NCOA3: variants seen among roughly 807,000 people sequenced by gnomAD.
NCOA3 encodes the protein nuclear receptor coactivator 3.
Under a neutral mutation model 158.8 loss-of-function variants are expected in NCOA3, and 51 were observed. That is an observed-to-expected ratio of 0.32 (90% CI 0.26 to 0.41). NCOA3 has a LOEUF of 0.41. NCOA3 is among the 10% of genes least tolerant of loss of function. The probability of loss-of-function intolerance (pLI) is 1.00; values close to 1 mark genes in which losing one functional copy is unlikely to be tolerated. For missense variants in NCOA3, 1,510 were observed against 1,746.6 expected, an observed-to-expected ratio of 0.86 and a Z score of 2.41; for synonymous variants, 537 against 592.4, an observed-to-expected ratio of 0.91 and a Z score of 1.36.
chr20:47,646,960 TTTAC>T, intron 17 of NCOA3, 109 bp from the exon 18 acceptor site: 2 of 895,420 alleles, frequency 2.2e-6, no homozygotes, highest in Non-Finnish European at 3.5e-6. Flanking sequence ...ATAACAAGCA[TTTAC>T]TTAAATACTT....
chr20:47,549,167 A>G (rs925318121), intron 1 of NCOA3, among the ~76,000 whole-genome samples: 1 of 152,030 alleles, frequency 6.6e-6, no homozygotes, highest in South Asian at 2.1e-4. Context: ...CTGAGCCATC[A>G]TGGACTTAAC....
At chr20:47,619,645 TAAAAAAA>T (rs76787208) in intron 2 of NCOA3, among the ~76,000 whole-genome samples, 1 of 121,496 alleles carries the variant, frequency 8.2e-6, no homozygotes, top group Non-Finnish European at 1.8e-5. Flanking sequence ...ACCCTGTCTT[TAAAAAAA>T]AAAAAAAAAA....
In NCOA3 at chr20:47,633,622, G is replaced by A. The variant is rs200506500; in HGVS notation, c.950G>A (p.Arg317His). 159 of 1,612,286 alleles carry A rather than the reference G, an allele frequency of 9.9e-5. No individual in the cohort carries two copies. The highest frequency in any genetic ancestry group is 1.3e-4 in the Non-Finnish European group (151 of 1,179,582). Residue 317 changes from arginine (R) to histidine (H), a missense_variant, in exon 9 of 23, where the codon CGT (arginine) becomes CAT (histidine). Physicochemically the swap from Arg to His is conservative, Grantham distance 29. Coordinates refer to ENST00000371998, the MANE Select transcript of NCOA3 (RefSeq NM_181659.3). ...GATGGGCAGTCATGGTCCCAGAAAC[G>A]TCACTATCAAGAAGGTAAAGAATTT... ...LNDGQSWSQKRHYQEAYLNGH... is the reference protein window; with the variant it reads ...LNDGQSWSQKHHYQEAYLNGH...
At chr20:47,516,301 A>G (rs1187207396) in intron 1 of NCOA3, among the ~76,000 whole-genome samples, 2 of 152,154 alleles carry the variant, frequency 1.3e-5, no homozygotes, top group African/African-American at 4.8e-5. Context: ...AAATCTCTGT[A>G]TCTTCTGTTC....
chr20:47,514,213 T>A (rs1379292400), intron 1 of NCOA3, among the ~76,000 whole-genome samples: 1 of 152,042 alleles, frequency 6.6e-6, no homozygotes, highest in Non-Finnish European at 1.5e-5. Flanking sequence ...TTTTTGAATT[T>A]TTTTTTTAAT....
Position 47,650,977 on chromosome 20 carries a change from A to G in NCOA3, c.3652-5A>G, listed in dbSNP as rs2086777376. On this transcript the variant is annotated splice_region_variant and splice_polypyrimidine_tract_variant and intron_variant, in intron 19 of 22. Coordinates refer to ENST00000371998, the MANE Select transcript of NCOA3 (RefSeq NM_181659.3). ...TATGTAATTGCACTCTTTCTTGGGT[A>G]TTAGCAGGGTTTTCTTAATGCTCAA... is the stretch of plus-strand genomic sequence containing the variant. 1 of 1,613,192 alleles carries G rather than the reference A, an allele frequency of 6.2e-7. No homozygotes were observed. Among genetic ancestry groups the G allele is most frequent in the Non-Finnish European group, 8.5e-7 (1 of 1,179,222 alleles).
At chr20:47,650,110 AT>A (rs1250640321) in intron 19 of NCOA3, among the ~76,000 whole-genome samples, 1 of 151,796 alleles carries the variant, frequency 6.6e-6, no homozygotes, top group African/African-American at 2.4e-5. Flanking sequence ...TTGTCCTCAG[AT>A]TCCACCCCTA....
At chr20:47,539,779 C>T (rs1379036484) in intron 1 of NCOA3, among the ~76,000 whole-genome samples, 1 of 152,194 alleles carries the variant, frequency 6.6e-6, no homozygotes, top group African/African-American at 2.4e-5. Flanking sequence ...CCTGCCTTGG[C>T]CCCCCAAAGT....
chr20:47,646,983 A>G, intron 17 of NCOA3, 90 bp from the exon 18 acceptor site: 1 of 1,139,688 alleles, frequency 8.8e-7, no homozygotes, highest in Non-Finnish European at 1.3e-6. Context: ...TTGTTGAATG[A>G]CTGGATGTTT....
chr20:47,562,308 T>A (rs988824516), intron 1 of NCOA3, among the ~76,000 whole-genome samples: 5 of 152,192 alleles, frequency 3.3e-5, no homozygotes, highest in Admixed American at 1.3e-4. Flanking sequence ...TTTAGTTTTT[T>A]AAGAAATTGC....
chr20:47,571,294 C>A (rs1005189902), intron 1 of NCOA3, among the ~76,000 whole-genome samples: 1 of 151,154 alleles, frequency 6.6e-6, no homozygotes, highest in Non-Finnish European at 1.5e-5. Context: ...TATGAGCCAC[C>A]GTGCCCGGCT....
At chr20:47,591,060 A>C (rs1255688949) in intron 2 of NCOA3, among the ~76,000 whole-genome samples, 2 of 151,878 alleles carry the variant, frequency 1.3e-5, no homozygotes, top group Admixed American at 1.3e-4. Context: ...CAGTGAGCCG[A>C]GATCGCACCA....
intron 1 of NCOA3, among the ~76,000 whole-genome samples, chr20:47,526,533 C>G (rs544384900): frequency 3.9e-5 from 6 of 152,216 alleles, no homozygotes; most frequent in African/African-American, 1.2e-4. Context: ...CCGAGGCTGG[C>G]GGATCACTTG....
rs1248859376 is a variant in NCOA3 at position 47,635,326 on chromosome 20, C to T, written c.1117C>T (p.Gln373Ter). The change falls in exon 11 of 23, where the codon CAG becomes TAG. Residue 373 changes from glutamine to a stop codon, truncating the protein, a stop_gained. Coordinates refer to ENST00000371998, the MANE Select transcript of NCOA3 (RefSeq NM_181659.3). LOFTEE classifies it high-confidence loss of function. ...AGTTTGATGTTTGTTTTGCAGAGAA[C>T]AGAATGGATATAGACCAAACCCAAA... Reference protein sequence around the residue: ...FVSTHFLQREQNGYRPNPNPV... With the variant: ...FVSTHFLQRE 1.9e-6 allele frequency: 3 copies of T among 1,584,224 alleles called. No homozygotes were observed. The highest frequency in any genetic ancestry group is 1.7e-6 in the Non-Finnish European group (2 of 1,157,804).
At chr20:47,585,867 C>T (rs1016882175) in intron 2 of NCOA3, among the ~76,000 whole-genome samples, 5 of 151,948 alleles carry the variant, frequency 3.3e-5, no homozygotes, top group African/African-American at 1.2e-4. Flanking sequence ...TGTAAAATCC[C>T]TCAGTTAATT....
At position 47,623,704 on chromosome 20, in the gene NCOA3, C is replaced by G. The variant is rs368002567; in HGVS notation, c.84-207C>G. On this transcript the variant is annotated intron_variant, in intron 3 of 22. Transcript: ENST00000371998. ...TGGGGAGGCTGAGTCAGGAGAATTG[C>G]CTGAATCCTGGAGGTGGAGGTTGCA... Among the ~76,000 whole-genome samples the G allele has an allele frequency of 6.9e-4, 105 of 152,110 alleles. No individual in the cohort carries two copies. The East Asian group carries it at 8.3e-3, about 12-fold the overall frequency.
intron 17 of NCOA3, among the ~76,000 whole-genome samples, chr20:47,644,163 G>A (rs1442252634): frequency 2.0e-5 from 3 of 148,340 alleles, no homozygotes; most frequent in African/African-American, 7.4e-5. Flanking sequence ...TTTTTGAGAC[G>A]GAGTCTCGCT....
Position 47,626,987 on chromosome 20 carries a change from C to T in NCOA3, c.358-15C>T. 1.0e-5 allele frequency: 16 copies of T among 1,602,254 alleles called. No individual in the cohort carries two copies. Among genetic ancestry groups the T allele is most frequent in the Non-Finnish European group, 1.3e-5 (15 of 1,172,588 alleles). Reference sequence around the variant, plus strand: ...TTCAGTCCATAACAGCCTGTATTAACATATCCTATTTTAGGCATTGGATGG... The same window carrying T: ...TTCAGTCCATAACAGCCTGTATTAATATATCCTATTTTAGGCATTGGATGG... On this transcript the variant is annotated splice_polypyrimidine_tract_variant and intron_variant, in intron 5 of 22. Transcript: ENST00000371998.
At chr20:47,651,306 C>T (rs2146349096) in intron 20 of NCOA3, 30 bp downstream of exon 20, 2 of 1,578,548 alleles carry the variant, frequency 1.3e-6, no homozygotes, top group South Asian at 1.2e-5. Context: ...TGTGCCTTCC[C>T]CAAGTTAACA....
Sources: allele counts gnomAD v4.1 joint callset (sites outside exome capture counted in the v4.1 genomes callset), GRCh38; gene constraint gnomAD v4.1.1; transcripts MANE v1.5; gene names NCBI Gene and HGNC (gene_info 2026-07-23, HGNC 2026-07-21).